LDHC: variants seen among roughly 807,000 people sequenced by gnomAD.
LDHC encodes L-lactate dehydrogenase C chain.
Under a neutral mutation model 30.2 loss-of-function variants are expected in LDHC, and 20 were observed. The observed-to-expected ratio is 0.66, with a 90% CI of 0.47 to 0.96. The LOEUF (loss-of-function observed/expected upper bound fraction) is 0.96, where lower values mean the gene tolerates loss of function less well. Among genes scored for constraint, LDHC ranks in the 40% least tolerant of loss-of-function variants. The pLI, the probability that LDHC is intolerant of heterozygous loss-of-function variation, is 0.00. For synonymous variants in LDHC, 139 were observed against 132.7 expected, an observed-to-expected ratio of 1.05 and a Z score of -0.32; for missense variants, 362 against 394.9, an observed-to-expected ratio of 0.92 and a Z score of 0.71.
chr11:18,449,159 C>T (rs1227556456), intron 7 of LDHC, among the ~76,000 whole-genome samples: 2 of 152,028 alleles, frequency 1.3e-5, no homozygotes, highest in Non-Finnish European at 2.9e-5. Context: ...TCTGATTACA[C>T]CCATGGAAGC....
intron 3 of LDHC, among the ~76,000 whole-genome samples, chr11:18,416,278 T>C (rs1867021647): frequency 6.6e-6 from 1 of 152,004 alleles, no homozygotes; most frequent in South Asian, 2.1e-4. Flanking sequence ...ATGTTTATAG[T>C]GAACCAGGTT....
intron 6 of LDHC, among the ~76,000 whole-genome samples, chr11:18,440,970 T>TA (rs1848454940): frequency 6.6e-6 from 1 of 150,974 alleles, no homozygotes; most frequent in Non-Finnish European, 1.5e-5. Context: ...TAAAATAAAT[T>TA]AAAAAATTAA....
rs569901880 is a variant in LDHC, at chr11:18,445,007, A to G, written c.711-1203A>G. Among the ~76,000 whole-genome samples, 6 of 152,250 alleles carry G rather than the reference A, an allele frequency of 3.9e-5. No homozygotes were observed. In the Middle Eastern group the frequency reaches 0.017, roughly 432 times the overall value. ...ATGCAGCTCTAAAGTTTGTATAAAA[A>G]TTTATATTTTTTACAAGCCAGAGAT... On this transcript the variant is annotated intron_variant, in intron 6 of 7. Transcript: ENST00000541669.
Position 18,412,704 on chromosome 11 carries a change from A to C in LDHC, c.-9-5A>C. The C allele has an allele frequency of 3.1e-6, 5 of 1,612,512 alleles. No homozygotes were observed. The highest frequency in any genetic ancestry group is 4.2e-6 in the Non-Finnish European group (5 of 1,179,002). ...AATCCAATGAAATTGCATTATCCCT[A>C]TCAGGTTCTCCAAATGTCAACTGTC... On this transcript the variant is annotated splice_polypyrimidine_tract_variant and splice_region_variant and intron_variant, in intron 1 of 7. Coordinates refer to ENST00000541669, the MANE Select transcript of LDHC (RefSeq NM_017448.5).
intron 3 of LDHC, among the ~76,000 whole-genome samples, chr11:18,420,785 T>C (rs1041858841): frequency 1.3e-5 from 2 of 151,732 alleles, no homozygotes; most frequent in Admixed American, 6.6e-5. Context: ...ATACAAGATC[T>C]GTGATGCAAG....
rs753137116 is a variant in LDHC, at chr11:18,446,245, C to T, written c.746C>T (p.Ser249Phe). 2.5e-6 allele frequency: 4 copies of T among 1,602,136 alleles called. No individual in the cohort carries two copies. Among genetic ancestry groups the T allele is most frequent in the Non-Finnish European group, 3.4e-6 (4 of 1,169,300 alleles). The change falls in exon 7 of 8, where the codon TCT becomes TTT. Residue 249 changes from serine to phenylalanine, a missense_variant. Coordinates refer to ENST00000541669, the MANE Select transcript of LDHC (RefSeq NM_017448.5). ...YEIIKLKGYT[S>F]WAIGLSVMDL... ...ATTATCAAGCTGAAGGGGTATACCT[C>T]TTGGGCTATTGGACTGTCTGTGATG...
intron 3 of LDHC, among the ~76,000 whole-genome samples, chr11:18,424,862 G>A (rs1255309557): frequency 6.6e-6 from 1 of 152,114 alleles, no homozygotes; most frequent in East Asian, 1.9e-4. Flanking sequence ...ACAAAAATTA[G>A]CTGGGTGTGG....
chr11:18,424,067 T>C (rs936969998), intron 3 of LDHC, among the ~76,000 whole-genome samples: 1 of 151,574 alleles, frequency 6.6e-6, no homozygotes, highest in African/African-American at 2.4e-5. Context: ...ACACAGCATA[T>C]AGGAGTGTAG....
At position 18,434,625 on chromosome 11, in the gene LDHC, C is replaced by T. The variant is rs542399554; in HGVS notation, c.419-115C>T. 3.4e-5 allele frequency: 22 copies of T among 638,900 alleles called. No individual in the cohort carries two copies. The East Asian group carries it at 5.7e-4, about 16-fold the overall frequency. 39.6% of individuals were successfully genotyped at this position (638,900 alleles called of 1,614,324 possible). A position where few individuals can be genotyped will look rare whatever the true frequency, so the allele number is the denominator to read the frequency against. On this transcript the variant is annotated intron_variant, in intron 4 of 7. Transcript: ENST00000541669. Reference sequence around the variant, plus strand: ...ACCGCACCCAGCCAGTGATTTGCTTCACTTTGTAATAAATCTGTATTTGAC... The same window carrying T: ...ACCGCACCCAGCCAGTGATTTGCTTTACTTTGTAATAAATCTGTATTTGAC...
At position 18,421,647 on chromosome 11, in the gene LDHC, TG is replaced by T. The variant is rs202190812; in HGVS notation, c.244+6349del. Among the ~76,000 whole-genome samples the T allele has an allele frequency of 3.7e-3, 558 of 151,680 alleles. 8 individuals carry two copies. Among genetic ancestry groups the T allele is most frequent in the African/African-American group, 0.013 (540 of 41,370 alleles). On this transcript the variant is annotated intron_variant, in intron 3 of 7. Coordinates refer to ENST00000541669, the MANE Select transcript of LDHC (RefSeq NM_017448.5). ...GAGATCATGCCATTACACTCCAGCCTGGGTGACAAGAGCAAAACTCCATCTC... is the reference window on the plus strand; with the variant it reads ...GAGATCATGCCATTACACTCCAGCCTGGTGACAAGAGCAAAACTCCATCTC...
intron 3 of LDHC, among the ~76,000 whole-genome samples, chr11:18,427,453 T>TG (rs1355570146): frequency 3.9e-5 from 6 of 152,136 alleles, no homozygotes; most frequent in Non-Finnish European, 7.4e-5. Context: ...GGCAAAGTAA[T>TG]TGTCCATGGT....
intron 5 of LDHC, among the ~76,000 whole-genome samples, chr11:18,436,032 C>T (rs930652031): frequency 3.3e-5 from 5 of 152,114 alleles, no homozygotes; most frequent in Admixed American, 6.5e-5. Flanking sequence ...TTTGTTCAAA[C>T]ATTCATTTAT....
At chr11:18,425,179 T>TC (rs1402684494) in intron 3 of LDHC, among the ~76,000 whole-genome samples, 1 of 104,704 alleles carries the variant, frequency 9.6e-6, no homozygotes, top group Non-Finnish European at 2.0e-5. Flanking sequence ...AATTTGGGGA[T>TC]TTTTTTTTTT....
chr11:18,436,179 A>C (rs1054800075), intron 5 of LDHC, among the ~76,000 whole-genome samples: 1 of 152,182 alleles, frequency 6.6e-6, no homozygotes, highest in East Asian at 1.9e-4. Flanking sequence ...ATTTTTCCTG[A>C]AGTTCATTAA....
At chr11:18,440,683 C>A (rs1050757081) in intron 6 of LDHC, among the ~76,000 whole-genome samples, 3 of 152,024 alleles carry the variant, frequency 2.0e-5, no homozygotes, top group African/African-American at 7.2e-5. Context: ...AATCCCAACC[C>A]TTTGGGAGGC....
intron 5 of LDHC, among the ~76,000 whole-genome samples, chr11:18,437,273 C>T (rs1361736455): frequency 6.6e-6 from 1 of 152,154 alleles, no homozygotes. Context: ...TTGCATATTG[C>T]TTAAAAATAT....
At chr11:18,445,338 A>G (rs1388699855) in intron 6 of LDHC, among the ~76,000 whole-genome samples, 5 of 152,036 alleles carry the variant, frequency 3.3e-5, no homozygotes, top group Non-Finnish European at 7.4e-5. Context: ...ACAGGCATAT[A>G]CCACCACACC....
intron 6 of LDHC, among the ~76,000 whole-genome samples, chr11:18,440,785 G>T (rs535043809): frequency 1.6e-5 from 1 of 64,276 alleles, no homozygotes; most frequent in Non-Finnish European, 3.5e-5. Context: ...TAAAAAATTA[G>T]CCAGGCATGG....
At chr11:18,423,689 C>A (rs1051859641) in intron 3 of LDHC, among the ~76,000 whole-genome samples, 1 of 151,888 alleles carries the variant, frequency 6.6e-6, no homozygotes, top group Admixed American at 6.6e-5. Context: ...ACACAAAAAG[C>A]ATAATCAATA....
Sources: allele counts gnomAD v4.1 joint callset (sites outside exome capture counted in the v4.1 genomes callset), GRCh38; gene constraint gnomAD v4.1.1; transcripts MANE v1.5; gene names NCBI Gene and HGNC (gene_info 2026-07-23, HGNC 2026-07-21).